ARMC3: variants seen among roughly 807,000 people sequenced by gnomAD.
ARMC3 encodes the protein armadillo repeat containing 3, also known as armadillo repeat-containing protein 3.
A neutral mutation model predicts 90.3 loss-of-function variants in ARMC3; 74 were observed. That is an observed-to-expected ratio of 0.82 (90% CI 0.68 to 0.99). The LOEUF (loss-of-function observed/expected upper bound fraction) is 0.99. Ranked by LOEUF, ARMC3 falls within the 50% of genes least tolerant of loss-of-function variation. The probability of loss-of-function intolerance (pLI) is 0.00; values close to 1 mark genes in which losing one functional copy is unlikely to be tolerated. For synonymous variants in ARMC3, 334 were observed against 361.8 expected, an observed-to-expected ratio of 0.92 and a Z score of 0.87; for missense variants, 958 against 1,042.8, an observed-to-expected ratio of 0.92 and a Z score of 1.12.
At chr10:22,942,303 C>A (rs550720242) in intron 2 of ARMC3, among the ~76,000 whole-genome samples, 1 of 152,048 alleles carries the variant, frequency 6.6e-6, no homozygotes, top group South Asian at 2.1e-4. Context: ...ACTGTGGGTG[C>A]GGCAGGAAAC....
intron 13 of ARMC3, among the ~76,000 whole-genome samples, chr10:23,003,642 A>G (rs575400950): frequency 6.6e-6 from 1 of 152,324 alleles, no homozygotes; most frequent in African/African-American, 2.4e-5. Flanking sequence ...TGCTAGAGGC[A>G]GTCTTAAGTT....
intron 16 of ARMC3, among the ~76,000 whole-genome samples, chr10:23,019,173 T>C (rs1838407358): frequency 6.6e-6 from 1 of 152,168 alleles, no homozygotes; most frequent in South Asian, 2.1e-4. Flanking sequence ...CTACTGAAAA[T>C]GTTCAAGTTT....
At chr10:22,938,481 A>AC (rs1834198953) in intron 2 of ARMC3, among the ~76,000 whole-genome samples, 1 of 152,212 alleles carries the variant, frequency 6.6e-6, no homozygotes, top group Non-Finnish European at 1.5e-5. Flanking sequence ...AATGTGGGAG[A>AC]AACATGAAAA....
In ARMC3 at chr10:22,979,008, C is replaced by T. The variant is rs143660967; in HGVS notation, c.917-2332C>T. The stretch of plus-strand genomic sequence containing the variant: ...CTGTGGAAAGCCCAAATCAATATGC[C>T]TTTGACCTGGTACCAGTAGGAGGAA... On this transcript the variant is annotated intron_variant, in intron 8 of 18. Transcript: ENST00000298032. 3.4e-3 allele frequency among the ~76,000 whole-genome samples: 524 copies of T among 152,248 alleles called. 2 individuals carry two copies. Among genetic ancestry groups the T allele is most frequent in the Non-Finnish European group, 5.3e-3 (357 of 67,998 alleles).
At chr10:22,951,635 T>C (rs1030188753) in intron 3 of ARMC3, among the ~76,000 whole-genome samples, 1 of 152,116 alleles carries the variant, frequency 6.6e-6, no homozygotes, top group Non-Finnish European at 1.5e-5. Context: ...AATTGTTAAG[T>C]AGTTAGAAAA....
chr10:22,981,282 A>G, intron 8 of ARMC3, 58 bp from the exon 9 acceptor site: 1 of 1,452,000 alleles, frequency 6.9e-7, no homozygotes, highest in Non-Finnish European at 9.3e-7. Context: ...GGAAAGTAGT[A>G]ATACTTCGCA....
intron 17 of ARMC3, 149 bp downstream of exon 17, chr10:23,030,945 A>G: frequency 1.1e-6 from 1 of 887,706 alleles, no homozygotes; most frequent in Non-Finnish European, 1.6e-6. Context: ...TGAATTGGAA[A>G]AGTCCTCAAC....
At chr10:23,024,431 T>C (rs907124287) in intron 16 of ARMC3, among the ~76,000 whole-genome samples, 3 of 151,360 alleles carry the variant, frequency 2.0e-5, no homozygotes, top group South Asian at 2.1e-4. Flanking sequence ...GACAGATAGA[T>C]AGATACCTCC....
At chr10:23,030,015 T>C (rs189571166) in intron 16 of ARMC3, among the ~76,000 whole-genome samples, 10 of 152,306 alleles carry the variant, frequency 6.6e-5, no homozygotes, top group African/African-American at 2.2e-4. Flanking sequence ...TCAATAAATA[T>C]GTATTACATA....
chr10:22,981,096 AG>A (rs1198656407), intron 8 of ARMC3, among the ~76,000 whole-genome samples: 1 of 152,238 alleles, frequency 6.6e-6, no homozygotes, highest in Admixed American at 6.5e-5. Flanking sequence ...CCTTTTTCCT[AG>A]TACAGACTTT....
chr10:23,022,032 C>G (rs996631918), intron 16 of ARMC3, among the ~76,000 whole-genome samples: 2 of 151,982 alleles, frequency 1.3e-5, no homozygotes, highest in Non-Finnish European at 2.9e-5. Context: ...TGTCTAAAAA[C>G]TCCCTGCTTC....
intron 2 of ARMC3, among the ~76,000 whole-genome samples, chr10:22,933,506 A>G (rs972837957): frequency 1.7e-4 from 26 of 152,184 alleles, no homozygotes; most frequent in African/African-American, 6.3e-4. Flanking sequence ...TAGCATTAAC[A>G]AAATAGAACT....
chr10:22,978,841 C>G (rs1227090717), intron 8 of ARMC3, among the ~76,000 whole-genome samples: 1 of 151,968 alleles, frequency 6.6e-6, no homozygotes, highest in Non-Finnish European at 1.5e-5. Context: ...CTTATTTTTA[C>G]TTTCCATCAT....
intron 1 of ARMC3, among the ~76,000 whole-genome samples, chr10:22,928,635 T>C (rs944571806): frequency 6.6e-6 from 1 of 152,160 alleles, no homozygotes; most frequent in Admixed American, 6.5e-5. Context: ...CCTAAAGAAA[T>C]AGTTGGGGAT....
chr10:22,948,655 G>C (rs1029734652), intron 3 of ARMC3, among the ~76,000 whole-genome samples: 2 of 152,250 alleles, frequency 1.3e-5, no homozygotes, highest in Admixed American at 1.3e-4. Context: ...TGACCACTGA[G>C]AGACGGGAAA....
chr10:22,971,677 G>A (rs1835690919), intron 8 of ARMC3, among the ~76,000 whole-genome samples: 1 of 152,084 alleles, frequency 6.6e-6, no homozygotes, highest in Non-Finnish European at 1.5e-5. Flanking sequence ...CTGACCTCAG[G>A]CAATCTTCCC....
rs368377484 is a variant in ARMC3 at position 23,029,002 on chromosome 10, A to G, written c.2046-1594A>G. 6.4e-4 allele frequency among the ~76,000 whole-genome samples: 98 copies of G among 152,294 alleles called. 1 individual carries two copies. In the South Asian group the frequency reaches 0.02, roughly 31 times the overall value. ...CTGCACTCTTGACATGACTGCACCC[A>G]TATCTACAGCCAAATAGCAGAAGGT... is the stretch of plus-strand genomic sequence containing the variant. On this transcript the variant is annotated intron_variant, in intron 16 of 18. Coordinates refer to ENST00000298032, the MANE Select transcript of ARMC3 (RefSeq NM_173081.5).
chr10:23,024,845 A>G (rs915268218), intron 16 of ARMC3, among the ~76,000 whole-genome samples: 1 of 152,198 alleles, frequency 6.6e-6, no homozygotes, highest in African/African-American at 2.4e-5. Flanking sequence ...TATGCTGTTT[A>G]AATAAACTAA....
At chr10:22,968,683 G>A (rs1392882865) in intron 8 of ARMC3, among the ~76,000 whole-genome samples, 194 bp downstream of exon 8, 1 of 152,026 alleles carries the variant, frequency 6.6e-6, no homozygotes, top group African/African-American at 2.4e-5. Context: ...TGTATTTTTT[G>A]TAGAGACAGG....
Sources: allele counts gnomAD v4.1 joint callset (sites outside exome capture counted in the v4.1 genomes callset), GRCh38; gene constraint gnomAD v4.1.1; transcripts MANE v1.5; gene names NCBI Gene and HGNC (gene_info 2026-07-23, HGNC 2026-07-21).